MAML3: variants seen among roughly 807,000 people sequenced by gnomAD.
The protein encoded by MAML3 is mastermind-like protein 3.
In MAML3, 27 loss-of-function variants were observed where a neutral mutation model predicts 101.9. The ratio of observed to expected loss-of-function variants is 0.27; its 90% CI spans 0.20 to 0.37. The LOEUF is 0.37. Among genes scored for constraint, MAML3 ranks in the 10% least tolerant of loss-of-function variants. MAML3 has a pLI of 1.00. For missense variants in MAML3, 1,316 were observed against 1,444.9 expected, an observed-to-expected ratio of 0.91 and a Z score of 1.45; for synonymous variants, 501 against 555.9, an observed-to-expected ratio of 0.90 and a Z score of 1.39.
chr4:140,146,921 G>C (rs1230428408), intron 1 of MAML3, among the ~76,000 whole-genome samples: 1 of 151,488 alleles, frequency 6.6e-6, no homozygotes, highest in African/African-American at 2.4e-5. Flanking sequence ...AGATCACAAG[G>C]TCAGGAGATC....
intron 2 of MAML3, among the ~76,000 whole-genome samples, chr4:139,764,812 A>G (rs1166521129): frequency 6.6e-6 from 1 of 152,136 alleles, no homozygotes; most frequent in African/African-American, 2.4e-5. Flanking sequence ...TCCCACTGAG[A>G]GCAGCAGGGG....
chr4:139,993,464 G>GTTTCT lies in MAML3; in HGVS notation c.469-102498_469-102497insAGAAA, dbSNP rs1307255159. ...TTTGCAAACATTTTTCTCCCAGTAT[G>GTTTCT]GTTCTTTTCTTTTCTTTTCTTTTTC... On this transcript the variant is annotated intron_variant, in intron 1 of 4. Transcript: ENST00000509479. Among the ~76,000 whole-genome samples, 101 of 43,002 alleles carry GTTTCT rather than the reference G, an allele frequency of 2.3e-3. 1 individual carries two copies. The East Asian group carries it at 0.059, about 25-fold the overall frequency. The allele number at this position is 43,002 out of a possible 152,430, so 28.2% of individuals were successfully genotyped here. A position where few individuals can be genotyped will look rare whatever the true frequency, so the allele number is the denominator to read the frequency against.
chr4:139,994,489 A>G (rs1734764034), intron 1 of MAML3, among the ~76,000 whole-genome samples: 1 of 152,054 alleles, frequency 6.6e-6, no homozygotes, highest in Non-Finnish European at 1.5e-5. Flanking sequence ...ACATAGCAAG[A>G]CTCCATCTCT....
intron 1 of MAML3, among the ~76,000 whole-genome samples, chr4:139,983,066 G>T (rs1482472350): frequency 6.6e-6 from 1 of 152,084 alleles, no homozygotes; most frequent in African/African-American, 2.4e-5. Flanking sequence ...AGATTCTTTT[G>T]TCACAGTCTG....
intron 2 of MAML3, among the ~76,000 whole-genome samples, chr4:139,757,794 C>T (rs964641924): frequency 3.3e-5 from 5 of 152,100 alleles, no homozygotes; most frequent in African/African-American, 1.2e-4. Flanking sequence ...ATGTGTCTTG[C>T]TCTTCCCTGT....
intron 1 of MAML3, among the ~76,000 whole-genome samples, chr4:140,145,786 G>A (rs993918066): frequency 1.0e-4 from 15 of 150,148 alleles, no homozygotes; most frequent in East Asian, 2.0e-4. Flanking sequence ...GGCTTGTCTC[G>A]AACTCCTGAC....
At chr4:139,849,985 G>A (rs1395132797) in intron 2 of MAML3, among the ~76,000 whole-genome samples, 2 of 152,098 alleles carry the variant, frequency 1.3e-5, no homozygotes, top group East Asian at 1.9e-4. Context: ...TAAAAAATGT[G>A]TTTCATGTCT....
At chr4:140,074,778 A>G (rs1236379661) in intron 1 of MAML3, among the ~76,000 whole-genome samples, 1 of 152,330 alleles carries the variant, frequency 6.6e-6, no homozygotes, top group East Asian at 1.9e-4. Context: ...ACAACCACAG[A>G]TGGCCCACAT....
At chr4:139,943,602 T>C (rs536534037) in intron 1 of MAML3, among the ~76,000 whole-genome samples, 1 of 152,302 alleles carries the variant, frequency 6.6e-6, no homozygotes, top group East Asian at 1.9e-4. Context: ...TTCATAATCA[T>C]GTTTGGCTAA....
intron 1 of MAML3, among the ~76,000 whole-genome samples, chr4:139,992,717 C>T (rs891761382): frequency 6.6e-6 from 1 of 152,012 alleles, no homozygotes; most frequent in Admixed American, 6.6e-5. Context: ...ACCACCATGC[C>T]CAGCTAATTT....
intron 1 of MAML3, among the ~76,000 whole-genome samples, chr4:139,941,093 T>G (rs1008824056): frequency 6.6e-6 from 1 of 152,256 alleles, no homozygotes; most frequent in African/African-American, 2.4e-5. Flanking sequence ...GGTTTCAATA[T>G]GATGAGTTAG....
intron 1 of MAML3, among the ~76,000 whole-genome samples, chr4:140,102,233 T>C (rs1728263837): frequency 6.6e-6 from 1 of 152,224 alleles, no homozygotes; most frequent in Admixed American, 6.5e-5. Flanking sequence ...TAACTCTCTA[T>C]TGTAGAAACG....
rs116613240 is a variant in MAML3, at chr4:139,735,276, A to G, written c.2080-4609T>C. Among the ~76,000 whole-genome samples, 196 of 152,308 alleles carry G rather than the reference A, an allele frequency of 1.3e-3. No homozygotes were observed. Among genetic ancestry groups the G allele is most frequent in the Non-Finnish European group, 1.7e-3 (115 of 68,022 alleles). On this transcript the variant is annotated intron_variant, in intron 2 of 4. Transcript: ENST00000509479. This position sits in a 1 kb window ranked among gnomAD's most constrained non-coding sequence, Gnocchi z 5.8. Reference sequence around the variant, plus strand: ...CTCGAGGCCCTCTTTGCACAAAATGAGTTCTCTCTCCATTGCCGTGTATCT... The same window carrying G: ...CTCGAGGCCCTCTTTGCACAAAATGGGTTCTCTCTCCATTGCCGTGTATCT...
intron 2 of MAML3, among the ~76,000 whole-genome samples, chr4:139,814,058 A>ACACACACACACACACAC (rs1553958318): frequency 1.3e-5 from 2 of 151,914 alleles, no homozygotes; most frequent in East Asian, 1.9e-4. Flanking sequence ...ACACACACAG[A>ACACACACACACACACAC]ATGATGATTT....
chr4:139,990,834 C>T (rs1490850107), intron 1 of MAML3, among the ~76,000 whole-genome samples: 1 of 152,084 alleles, frequency 6.6e-6, no homozygotes, highest in Non-Finnish European at 1.5e-5. Context: ...CCTAGGAATC[C>T]AACTTACAAG....
chr4:139,749,378 A>C (rs1189087014), intron 2 of MAML3, among the ~76,000 whole-genome samples: 1 of 152,226 alleles, frequency 6.6e-6, no homozygotes, highest in Non-Finnish European at 1.5e-5. Flanking sequence ...ATTAACATAG[A>C]TATTTGCATA....
chr4:139,794,299 C>G (rs1287918600), intron 2 of MAML3: 1 of 152,204 alleles, frequency 6.6e-6, no homozygotes, highest in African/African-American at 2.4e-5. Context: ...CTTCTTCTCT[C>G]TATACAGCCC....
intron 1 of MAML3, among the ~76,000 whole-genome samples, chr4:140,051,750 T>C (rs1727273473): frequency 6.6e-6 from 1 of 152,202 alleles, no homozygotes; most frequent in Non-Finnish European, 1.5e-5. Context: ...CCAACCATTC[T>C]ACTTGGAATA....
chr4:140,057,502 G>A (rs998700344), intron 1 of MAML3, among the ~76,000 whole-genome samples: 3 of 152,096 alleles, frequency 2.0e-5, no homozygotes, highest in African/African-American at 7.2e-5. Flanking sequence ...GCAATATTCC[G>A]CATAGTTGAA....
Sources: allele counts gnomAD v4.1 joint callset (sites outside exome capture counted in the v4.1 genomes callset), GRCh38; gene constraint gnomAD v4.1.1; non-coding constraint Gnocchi (gnomAD v3.1); transcripts MANE v1.5; gene names NCBI Gene and HGNC (gene_info 2026-07-23, HGNC 2026-07-21).